Variants in CREB5 observed in about 807,000 individuals in gnomAD.
The protein encoded by CREB5 is cAMP responsive element binding protein 5.
In CREB5, 19 loss-of-function variants were observed where a neutral mutation model predicts 57.1. The ratio of observed to expected loss-of-function variants is 0.33; its 90% confidence interval spans 0.23 to 0.49. CREB5 has a LOEUF of 0.49. Ranked by LOEUF, CREB5 falls within the 20% of genes least tolerant of loss-of-function variation. The pLI is 0.99. For missense variants in CREB5, 579 were observed against 671.6 expected (o/e 0.86, Z 1.52); for synonymous variants, 238 against 238.3 (o/e 1.00, Z 0.01).
intron 5 of CREB5, among the ~76,000 whole-genome samples, chr7:28,667,487 A>T (rs1185769491): frequency 6.6e-6 from 1 of 152,072 alleles, no homozygotes; most frequent in Non-Finnish European, 1.5e-5. Context: ...AAATACGCTT[A>T]GCCTGCTTAT....
At chr7:28,754,633 A>G (rs1427128792) in intron 7 of CREB5, among the ~76,000 whole-genome samples, 1 of 152,186 alleles carries the variant, frequency 6.6e-6, no homozygotes, top group Non-Finnish European at 1.5e-5. Flanking sequence ...CTACTAACTT[A>G]GAGGAATAAG....
chr7:28,767,789 A>G (rs1167573462), intron 7 of CREB5, among the ~76,000 whole-genome samples: 1 of 152,226 alleles, frequency 6.6e-6, no homozygotes, highest in Non-Finnish European at 1.5e-5. Flanking sequence ...CTGGGGAACA[A>G]AAGCAGCTCA....
chr7:28,751,986 G>C (rs575874763), intron 7 of CREB5, among the ~76,000 whole-genome samples: 11 of 152,260 alleles, frequency 7.2e-5, no homozygotes, highest in African/African-American at 2.6e-4. Flanking sequence ...GTTTTCTCAT[G>C]ATTAAATTGA....
At chr7:28,517,173 C>G (rs531517246) in intron 4 of CREB5, among the ~76,000 whole-genome samples, 85 of 152,094 alleles carry the variant, frequency 5.6e-4, no homozygotes, top group Non-Finnish European at 1.1e-3. Flanking sequence ...TACCTGGGCC[C>G]CTCACAGAGA....
intron 1 of CREB5, among the ~76,000 whole-genome samples, chr7:28,454,014 C>T (rs1386250707): frequency 7.0e-6 from 1 of 142,616 alleles, no homozygotes; most frequent in Non-Finnish European, 1.5e-5. Flanking sequence ...AGTGCAGTGG[C>T]ATGATCTCGG....
At chr7:28,605,706 A>G (rs1347028003) in intron 5 of CREB5, among the ~76,000 whole-genome samples, 1 of 152,180 alleles carries the variant, frequency 6.6e-6, no homozygotes, top group East Asian at 1.9e-4. Context: ...CCCATGAGAC[A>G]AAGAAGTGAG....
intron 1 of CREB5, among the ~76,000 whole-genome samples, chr7:28,426,183 A>C (rs1788503887): frequency 6.6e-6 from 1 of 152,182 alleles, no homozygotes; most frequent in African/African-American, 2.4e-5. Context: ...CTACTATGTC[A>C]ACCTTCATAA....
chr7:28,324,389 CA>C (rs932007321), intron 1 of CREB5, among the ~76,000 whole-genome samples: 3 of 152,162 alleles, frequency 2.0e-5, no homozygotes, highest in Non-Finnish European at 4.4e-5. Flanking sequence ...CTGCTCATGT[CA>C]AGGCACCATT....
At chr7:28,304,955 C>G (rs2127979587) in intron 1 of CREB5, among the ~76,000 whole-genome samples, 1 of 152,256 alleles carries the variant, frequency 6.6e-6, no homozygotes, top group Admixed American at 6.5e-5. Context: ...GGAAGTATTT[C>G]TTCACTGAAA....
chr7:28,489,838 A>G (rs1791722842), intron 2 of CREB5, among the ~76,000 whole-genome samples: 1 of 152,224 alleles, frequency 6.6e-6, no homozygotes. Flanking sequence ...TGGTTTGGAG[A>G]TGATTTTGAA....
chr7:28,722,879 T>C (rs909988752), intron 6 of CREB5, among the ~76,000 whole-genome samples: 4 of 152,222 alleles, frequency 2.6e-5, no homozygotes, highest in African/African-American at 9.6e-5. Flanking sequence ...GCACCTCTAC[T>C]AACCCACAGA....
chr7:28,541,463 T>C lies in CREB5; in HGVS notation c.292-28902T>C, dbSNP rs541721171. On this transcript the variant is annotated intron_variant, in intron 4 of 10. Coordinates refer to ENST00000357727, the MANE Select transcript of CREB5 (RefSeq NM_182898.4). ...CAGGTGGATCACTTGAGGTTAGGAGTTCCAGACCAGCCTGGCCAACATGGC... is the reference window on the plus strand; with the variant it reads ...CAGGTGGATCACTTGAGGTTAGGAGCTCCAGACCAGCCTGGCCAACATGGC... Among the ~76,000 whole-genome samples the C allele has an allele frequency of 2.0e-5, 3 of 151,748 alleles. No individual in the cohort carries two copies. In the East Asian group the frequency reaches 5.8e-4, roughly 29 times the overall value.
intron 5 of CREB5, among the ~76,000 whole-genome samples, chr7:28,573,948 A>G (rs1038039390): frequency 3.7e-4 from 57 of 152,356 alleles, no homozygotes; most frequent in African/African-American, 1.3e-3. Context: ...ATTCTGTGAA[A>G]GTAGTGCCAT....
At chr7:28,394,391 G>A (rs960266108) in intron 1 of CREB5, among the ~76,000 whole-genome samples, 1 of 151,974 alleles carries the variant, frequency 6.6e-6, no homozygotes, top group African/African-American at 2.4e-5. Context: ...AAAGGACAGG[G>A]ACTAATGGAG....
intron 5 of CREB5, among the ~76,000 whole-genome samples, chr7:28,604,014 G>A (rs913718985): frequency 3.3e-5 from 5 of 152,050 alleles, no homozygotes; most frequent in African/African-American, 9.7e-5. Context: ...ACCATCCTCC[G>A]CATCTGTGTG....
Position 28,825,531 on chromosome 7 carries a change from G to C in CREB5, c.*6252G>C, listed in dbSNP as rs1010527730. 1 of 152,566 alleles carries C rather than the reference G, an allele frequency of 6.6e-6. No individual in the cohort carries two copies. Among genetic ancestry groups the C allele is most frequent in the Non-Finnish European group, 1.5e-5 (1 of 68,020 alleles). 9.5% of individuals were successfully genotyped at this position (152,566 alleles called of 1,614,324 possible). On this transcript the variant is annotated 3_prime_UTR_variant, in exon 11 of 11. Transcript: ENST00000357727. ...TGTAAAGTAAGTGTTAACTGAGGAA[G>C]TCCCAAAAAGGTGCTGTCACTTTAA...
At chr7:28,605,354 C>G (rs1033733716) in intron 5 of CREB5, among the ~76,000 whole-genome samples, 10 of 152,194 alleles carry the variant, frequency 6.6e-5, no homozygotes, top group Admixed American at 2.0e-4. Context: ...CTGAATCCAT[C>G]TAGATATTGT....
At chr7:28,737,555 A>ACG (rs1562606496) in intron 7 of CREB5, among the ~76,000 whole-genome samples, 17 of 43,950 alleles carry the variant, frequency 3.9e-4, no homozygotes, top group Non-Finnish European at 7.7e-4. Context: ...ATATATATAT[A>ACG]TATATATATA....
upstream of CREB5, chr7:28,410,025 T>C (rs543427986): frequency 1.6e-5 from 7 of 448,594 alleles, no homozygotes; most frequent in South Asian, 1.1e-4. Flanking sequence ...GTTTGCAAAC[T>C]TCCAGCGGGC....
Sources: gnomAD v4.1 joint callset for allele counts (sites outside exome capture counted in the v4.1 genomes callset) on GRCh38, gnomAD v4.1.1 for gene constraint, MANE v1.5 for transcripts, NCBI Gene and HGNC (gene_info 2026-07-23, HGNC 2026-07-21) for gene names.